Variants in PHACTR4 observed in about 807,000 individuals in gnomAD.
PHACTR4 encodes protein phosphatase 1, regulatory subunit 124.
A neutral mutation model predicts 72.7 loss-of-function variants in PHACTR4; 51 were observed. The ratio of observed to expected loss-of-function variants is 0.70; its 90% CI spans 0.56 to 0.89. The LOEUF (loss-of-function observed/expected upper bound fraction) is 0.89. Ranked by LOEUF, PHACTR4 falls within the 40% of genes least tolerant of loss-of-function variation. The pLI, the probability that PHACTR4 is intolerant of heterozygous loss-of-function variation, is 0.00. For missense variants in PHACTR4, 731 were observed against 861.8 expected, an observed-to-expected ratio of 0.85 and a Z score of 1.90; for synonymous variants, 255 against 302.5, an observed-to-expected ratio of 0.84 and a Z score of 1.63.
chr1:28,465,676 ACCTTGC>A lies in PHACTR4; in HGVS notation c.272-8_272-3del, dbSNP rs1204225822. ...CTTCATCACTTTGTACTCTTCTTTCACCTTGCAGGTGGTGAGGATCCAGGAAAGCCA... is the reference window on the plus strand; with the variant it reads ...CTTCATCACTTTGTACTCTTCTTTCAAGGTGGTGAGGATCCAGGAAAGCCA... On this transcript the variant is annotated splice_region_variant and splice_polypyrimidine_tract_variant and intron_variant, in intron 4 of 13. Coordinates refer to ENST00000373839, the MANE Select transcript of PHACTR4 (RefSeq NM_001048183.3). 6.2e-7 allele frequency: 1 copy of A among 1,609,440 alleles called. No homozygotes were observed. The highest frequency in any genetic ancestry group is 8.5e-7 in the Non-Finnish European group (1 of 1,178,664).
chr1:28,460,797 C>G (rs1306642039), intron 4 of PHACTR4, among the ~76,000 whole-genome samples: 1 of 152,130 alleles, frequency 6.6e-6, no homozygotes, highest in Non-Finnish European at 1.5e-5. Flanking sequence ...GTGTGAGCCA[C>G]TGTGCCTGGC....
Position 28,487,717 on chromosome 1 carries a change from G to GTTTTTTTTTTTTTT in PHACTR4, c.1761-1447_1761-1446insTTTTTTTTTTTTTT, listed in dbSNP as rs1320016675. 5.9e-5 allele frequency among the ~76,000 whole-genome samples: 6 copies of GTTTTTTTTTTTTTT among 102,416 alleles called. 1 individual carries two copies. Among genetic ancestry groups the GTTTTTTTTTTTTTT allele is most frequent in the African/African-American group, 2.0e-4 (5 of 24,600 alleles). The allele number at this position is 102,416 out of a possible 152,430, so 67.2% of individuals were successfully genotyped here. ...CTGATTTCAAAAATGACAAATTGTA[G>GTTTTTTTTTTTTTT]TTTTTTGTTGTTTTTTTTTTTTTTT... On this transcript the variant is annotated intron_variant, in intron 9 of 13. Coordinates refer to ENST00000373839, the MANE Select transcript of PHACTR4 (RefSeq NM_001048183.3).
intron 1 of PHACTR4, among the ~76,000 whole-genome samples, chr1:28,374,622 T>C (rs1485529731): frequency 2.0e-5 from 3 of 151,750 alleles, no homozygotes; most frequent in Non-Finnish European, 4.4e-5. Context: ...GTGCTTTTGC[T>C]GTTGGTTTAC....
intron 1 of PHACTR4, among the ~76,000 whole-genome samples, chr1:28,384,252 G>A (rs1432222152): frequency 6.6e-6 from 1 of 152,014 alleles, no homozygotes; most frequent in African/African-American, 2.4e-5. Context: ...AGCTCTTCTT[G>A]GTACATCTGG....
intron 1 of PHACTR4, among the ~76,000 whole-genome samples, chr1:28,370,900 G>A (rs930331288): frequency 6.6e-6 from 1 of 152,016 alleles, no homozygotes; most frequent in Non-Finnish European, 1.5e-5. Context: ...GACCAGCCTG[G>A]GCAACACAGC....
At position 28,466,385 on chromosome 1, in the gene PHACTR4, C is replaced by T. The variant is rs1242867063; in HGVS notation, c.440C>T (p.Ser147Leu). Reference sequence around the variant, plus strand: ...TACCATACATGTTATTACACAGGCTCAACTGGAAGCCAGCCTAATTCTGAA... The same window carrying T: ...TACCATACATGTTATTACACAGGCTTAACTGGAAGCCAGCCTAATTCTGAA... ...PEEDLKKRLG[S>L]TGSQPNSEAE... is the part of the protein sequence containing the mutation. The change falls in exon 6 of 14, where the codon TCA (serine) becomes TTA (leucine). Residue 147 changes from serine to leucine, a missense_variant. Ser to Leu is a moderately radical substitution (Grantham distance 145). Coordinates refer to ENST00000373839, the MANE Select transcript of PHACTR4 (RefSeq NM_001048183.3). 1.2e-6 allele frequency: 2 copies of T among 1,609,292 alleles called. No homozygotes were observed. The highest frequency in any genetic ancestry group is 1.7e-5 in the Admixed American group (1 of 59,930).
intron 2 of PHACTR4, among the ~76,000 whole-genome samples, chr1:28,452,012 A>G (rs951810853): frequency 3.3e-5 from 5 of 152,194 alleles, no homozygotes; most frequent in Non-Finnish European, 7.3e-5. Flanking sequence ...GATCTTCATT[A>G]AATTTGGTTT....
chr1:28,476,872 G>A (rs1486894703), intron 8 of PHACTR4, among the ~76,000 whole-genome samples: 1 of 144,914 alleles, frequency 6.9e-6, no homozygotes, highest in East Asian at 2.0e-4. Flanking sequence ...CCAGGTTCAA[G>A]CAATTCTCCT....
intron 1 of PHACTR4, among the ~76,000 whole-genome samples, chr1:28,372,068 A>G (rs1478231409): frequency 6.8e-6 from 1 of 146,994 alleles, no homozygotes; most frequent in Non-Finnish European, 1.5e-5. Flanking sequence ...TTTTTTTAGT[A>G]GAGATGGTGT....
At chr1:28,478,489 A>G (rs934162511) in intron 8 of PHACTR4, among the ~76,000 whole-genome samples, 1 of 151,978 alleles carries the variant, frequency 6.6e-6, no homozygotes, top group African/African-American at 2.4e-5. Context: ...AGGAGTGCAG[A>G]GGCACGATCT....
intron 2 of PHACTR4, among the ~76,000 whole-genome samples, chr1:28,445,965 A>G (rs1158362874): frequency 1.3e-5 from 2 of 152,194 alleles, no homozygotes; most frequent in African/African-American, 2.4e-5. Flanking sequence ...TGCAGGATGA[A>G]TAAAATTTAA....
At chr1:28,488,145 A>G (rs1042033081) in intron 9 of PHACTR4, among the ~76,000 whole-genome samples, 2 of 152,204 alleles carry the variant, frequency 1.3e-5, no homozygotes, top group African/African-American at 2.4e-5. Flanking sequence ...ATTATAGAAT[A>G]TCACACAGAA....
intron 9 of PHACTR4, among the ~76,000 whole-genome samples, chr1:28,487,410 A>G (rs10915199): frequency 0.39 from 57,969 of 150,278 alleles, 12,846 homozygotes; most frequent in African/African-American, 0.6. Context: ...AAAATGGAAG[A>G]TCCTTGAGGT....
At chr1:28,487,876 C>T (rs1054325987) in intron 9 of PHACTR4, among the ~76,000 whole-genome samples, 1 of 151,574 alleles carries the variant, frequency 6.6e-6, no homozygotes, top group African/African-American at 2.4e-5. Context: ...GCTGGGACTA[C>T]AGGAGCACGC....
intron 8 of PHACTR4, among the ~76,000 whole-genome samples, chr1:28,478,402 C>T (rs1177190288): frequency 6.6e-6 from 1 of 151,968 alleles, no homozygotes; most frequent in Non-Finnish European, 1.5e-5. Context: ...TGGATATGTA[C>T]CCAACAGTGG....
At position 28,465,884 on chromosome 1, in the gene PHACTR4, C is replaced by T. The variant is rs201874301; in HGVS notation, c.436+35C>T. 5.3e-5 allele frequency: 84 copies of T among 1,582,142 alleles called. 1 individual carries two copies. In the African/African-American group the frequency reaches 8.1e-4, roughly 15 times the overall value. On this transcript the variant is annotated intron_variant, in intron 5 of 13. Coordinates refer to ENST00000373839, the MANE Select transcript of PHACTR4 (RefSeq NM_001048183.3). Reference sequence around the variant, plus strand: ...TCTGGATTTTTGAGTTTAAGAGCCACGGGCCAGTTATTCTCCTTACATAAG... The same window carrying T: ...TCTGGATTTTTGAGTTTAAGAGCCATGGGCCAGTTATTCTCCTTACATAAG...
intron 1 of PHACTR4, among the ~76,000 whole-genome samples, chr1:28,380,828 A>G (rs1253232050): frequency 6.6e-6 from 1 of 152,044 alleles, no homozygotes; most frequent in East Asian, 1.9e-4. Context: ...TCTTTATAAT[A>G]GAATGATTTA....
At chr1:28,376,227 C>T (rs1651654827) in intron 1 of PHACTR4, among the ~76,000 whole-genome samples, 1 of 151,280 alleles carries the variant, frequency 6.6e-6, no homozygotes, top group Non-Finnish European at 1.5e-5. Context: ...GCACAGGAAT[C>T]ACTTGAGCCT....
chr1:28,470,692 AAAAT>A (rs1659505274), intron 6 of PHACTR4, among the ~76,000 whole-genome samples: 1 of 151,896 alleles, frequency 6.6e-6, no homozygotes, highest in African/African-American at 2.4e-5. Context: ...GACCCTGTCT[AAAAT>A]AAATTAATTT....
Sources: allele counts gnomAD v4.1 joint callset (sites outside exome capture counted in the v4.1 genomes callset), GRCh38; gene constraint gnomAD v4.1.1; transcripts MANE v1.5; gene names NCBI Gene and HGNC (gene_info 2026-07-23, HGNC 2026-07-21).